BAHCC1: variants seen among roughly 807,000 people sequenced by gnomAD.
BAHCC1 encodes BAH domain and coiled-coil containing 1.
In BAHCC1, 43 loss-of-function variants were observed where a neutral mutation model predicts 88.2. That is an observed-to-expected ratio of 0.49 (90% confidence interval 0.38 to 0.63). BAHCC1 has a LOEUF of 0.63. Ranked by LOEUF, BAHCC1 falls within the 20% of genes least tolerant of loss-of-function variation. The probability of loss-of-function intolerance (pLI) is 0.00; values close to 1 mark genes in which losing one functional copy is unlikely to be tolerated. For synonymous variants in BAHCC1, 1,510 were observed against 745.5 expected (o/e 2.03, Z -16.71); for missense variants, 3,023 against 1,654.8 (o/e 1.83, Z -14.34).
chr17:81,451,985 G>A lies in BAHCC1; in HGVS notation c.4194G>A (p.Lys1398=). Residue 1398 remains lysine (K), a synonymous_variant, in exon 13 of 28, where the codon AAG becomes AAA. Transcript: ENST00000675386. ...TPKTKPVCPL[K]AAIDRLDTQE... ...CCCCCCACCAGGTGTGCCCCCTGAA[G>A]GCCGCCATCGACCGGCTGGACACGC... The A allele has an allele frequency of 1.6e-6, 1 of 627,294 alleles. No individual in the cohort carries two copies. The highest frequency in any genetic ancestry group is 2.8e-5 in the East Asian group (1 of 35,894). 38.9% of individuals were successfully genotyped at this position (627,294 alleles called of 1,614,324 possible). A position where few individuals can be genotyped will look rare whatever the true frequency, so the allele number is the denominator to read the frequency against.
At position 81,399,749 on chromosome 17, in the gene BAHCC1, C is replaced by G; in HGVS notation, c.10C>G (p.Arg4Gly). ...GGGGCCGGGGCCCGGCATGGATGGCCGCGACTTTGCGCCGCCGCCGCATCT... is the reference window on the plus strand; with the variant it reads ...GGGGCCGGGGCCCGGCATGGATGGCGGCGACTTTGCGCCGCCGCCGCATCT... MDGRDFAPPPHLLS... is the reference protein window; with the variant it reads MDGGDFAPPPHLLS... The change falls in exon 2 of 28, where the codon CGC becomes GGC. Residue 4 changes from arginine (R) to glycine (G), a missense_variant. Transcript: ENST00000675386. This position sits in a 1 kb window ranked among gnomAD's most constrained non-coding sequence, Gnocchi z 4.5. The G allele has an allele frequency of 1.7e-6, 2 of 1,165,564 alleles. No homozygotes were observed. The highest frequency in any genetic ancestry group is 2.1e-6 in the Non-Finnish European group (2 of 946,822). The allele number at this position is 1,165,564 out of a possible 1,614,324, so 72.2% of individuals were successfully genotyped here. A position where few individuals can be genotyped will look rare whatever the true frequency, so the allele number is the denominator to read the frequency against.
intron 2 of BAHCC1, chr17:81,415,741 C>T: frequency 3.1e-6 from 1 of 320,708 alleles, no homozygotes; most frequent in Admixed American, 4.6e-5. Context: ...GTGGTGATCA[C>T]AGCGTGCGAA....
intron 2 of BAHCC1, among the ~76,000 whole-genome samples, chr17:81,415,338 C>G (rs1359730271): frequency 2.0e-5 from 3 of 152,232 alleles, no homozygotes; most frequent in Non-Finnish European, 4.4e-5. Context: ...CAAGGGGGAC[C>G]TTCGTTGTGA....
chr17:81,452,749 C>T lies in BAHCC1; in HGVS notation c.4343C>T (p.Ala1448Val), dbSNP rs1555656163. The T allele has an allele frequency of 2.7e-6, 2 of 752,100 alleles. No individual in the cohort carries two copies. Among genetic ancestry groups the T allele is most frequent in the Admixed American group, 1.8e-5 (1 of 54,368 alleles). 46.6% of individuals were successfully genotyped at this position (752,100 alleles called of 1,614,324 possible). The change falls in exon 14 of 28, where the codon GCA (alanine) becomes GTA (valine). Residue 1448 changes from alanine (A) to valine (V), a missense_variant. By Grantham distance (64) the Ala-to-Val change is moderately conservative (BLOSUM62 0). Transcript: ENST00000675386. The part of the protein sequence containing the change: ...HERDESSRSP[A>V]RRGPGRPRKR... ...AGAGACGAGAGTTCACGGAGCCCTG[C>T]ACGGCGGGGGCCTGGCCGGCCGAGG...
At chr17:81,459,220 C>T (rs1471507371) in intron 21 of BAHCC1, 33 bp from the exon 22 acceptor site, 2 of 775,264 alleles carry the variant, frequency 2.6e-6, no homozygotes, top group Non-Finnish European at 2.4e-6. Context: ...GCAACCGAGA[C>T]CCGTGGCACC....
chr17:81,445,667 TCAC>T lies in BAHCC1; in HGVS notation c.3150_3152del (p.Thr1051del). The T allele has an allele frequency of 1.4e-6, 1 of 729,974 alleles. No homozygotes were observed. The highest frequency in any genetic ancestry group is 1.7e-5 in the African/African-American group (1 of 57,770). The allele number at this position is 729,974 out of a possible 1,614,324, so 45.2% of individuals were successfully genotyped here. On this transcript the variant is annotated inframe_deletion, in exon 10 of 28. Coordinates refer to ENST00000675386, the MANE Select transcript of BAHCC1 (RefSeq NM_001377448.1). ...GGTCAGCAGTCCACGGCCGACATCA[TCAC>T]ATCCGAACCAGGTGAGAGTAGCCGC...
At chr17:81,401,626 C>T (rs1467966766) in intron 2 of BAHCC1, 2 of 152,416 alleles carry the variant, frequency 1.3e-5, no homozygotes, top group Non-Finnish European at 2.9e-5. Flanking sequence ...CCTCTTCTGG[C>T]TGAAGGCTGG....
intron 4 of BAHCC1, 26 bp downstream of exon 4, chr17:81,438,518 G>T (rs782509012): frequency 1.3e-6 from 1 of 755,518 alleles, no homozygotes; most frequent in Non-Finnish European, 2.5e-6. Flanking sequence ...GACCGGCGTG[G>T]GGAGCAGGCA....
At chr17:81,410,893 C>T (rs1187361532) in intron 2 of BAHCC1, among the ~76,000 whole-genome samples, 4 of 152,022 alleles carry the variant, frequency 2.6e-5, no homozygotes, top group African/African-American at 7.2e-5. Flanking sequence ...TATGCTTCCC[C>T]GGAGTCCAGG....
At chr17:81,398,751 A>C (rs1237221801) in intron 1 of BAHCC1, among the ~76,000 whole-genome samples, 1 of 146,690 alleles carries the variant, frequency 6.8e-6, no homozygotes, top group African/African-American at 2.5e-5. Context: ...GTGGCGGCCC[A>C]GGTGATGCCG....
chr17:81,449,814 C>A (rs1315000228), intron 11 of BAHCC1, among the ~76,000 whole-genome samples: 7 of 152,286 alleles, frequency 4.6e-5, no homozygotes, highest in Admixed American at 3.3e-4. Context: ...CCGAGCACCT[C>A]CTGGCTTCTT....
chr17:81,457,043 G>A (rs1555657496), intron 16 of BAHCC1, among the ~76,000 whole-genome samples: 1 of 152,138 alleles, frequency 6.6e-6, no homozygotes, highest in African/African-American at 2.4e-5. Flanking sequence ...TCAGATGCCT[G>A]AGAAAGAACA....
chr17:81,429,663 G>A (rs900328425), intron 3 of BAHCC1, among the ~76,000 whole-genome samples: 2 of 152,206 alleles, frequency 1.3e-5, no homozygotes, highest in African/African-American at 4.8e-5. Flanking sequence ...CAGGCACAGC[G>A]GGCTGCCTGG....
chr17:81,459,985 G>A (rs2030101130), intron 23 of BAHCC1, among the ~76,000 whole-genome samples: 1 of 152,164 alleles, frequency 6.6e-6, no homozygotes, highest in African/African-American at 2.4e-5. Flanking sequence ...GTGGGCGGGA[G>A]GCGCCTCCAG....
intron 15 of BAHCC1, 73 bp from the exon 16 acceptor site, chr17:81,456,224 G>A (rs2143621735): frequency 3.0e-6 from 2 of 669,644 alleles, no homozygotes; most frequent in Non-Finnish European, 2.7e-6. Context: ...TCAACAGAGA[G>A]GCACCTAACC....
rs1555659083 is a variant in BAHCC1 at position 81,461,017 on chromosome 17, G to T, written c.6354G>T (p.Val2118=). ...CAGCGGCCAGCAAGGGGCCGGGGGTGCTGCAGAACCTCTTCCAGCTCAACG... is the reference window on the plus strand; with the variant it reads ...CAGCGGCCAGCAAGGGGCCGGGGGTTCTGCAGAACCTCTTCCAGCTCAACG... The part of the protein sequence containing the change: ...AVAAASKGPG[V]LQNLFQLNGS... Residue 2118 remains valine, a synonymous_variant, in exon 26 of 28, where the codon GTG becomes GTT. Coordinates refer to ENST00000675386, the MANE Select transcript of BAHCC1 (RefSeq NM_001377448.1). 2.6e-6 allele frequency: 2 copies of T among 773,238 alleles called. No homozygotes were observed. The highest frequency in any genetic ancestry group is 4.8e-6 in the Non-Finnish European group (2 of 417,058). 47.9% of individuals were successfully genotyped at this position (773,238 alleles called of 1,614,324 possible).
Position 81,455,407 on chromosome 17 carries a change from C to T in BAHCC1, c.4569+17C>T. On this transcript the variant is annotated intron_variant, in intron 15 of 27. Transcript: ENST00000675386. ...GCCTCCGTGGTGAGTGCCGAGGCGC[C>T]CGCCTTGCCCCAGGGCCCTTCAGGT... 1.4e-6 allele frequency: 1 copy of T among 714,294 alleles called. No homozygotes were observed. The allele number at this position is 714,294 out of a possible 1,614,324, so 44.2% of individuals were successfully genotyped here.
intron 21 of BAHCC1, 36 bp from the exon 22 acceptor site, chr17:81,459,217 A>C: frequency 1.3e-6 from 1 of 775,070 alleles, no homozygotes; most frequent in Non-Finnish European, 2.4e-6. Flanking sequence ...AGGGCAACCG[A>C]GACCCGTGGC....
At chr17:81,452,576 G>C in intron 13 of BAHCC1, 147 bp from the exon 14 acceptor site, 1 of 542,028 alleles carries the variant, frequency 1.8e-6, no homozygotes, top group African/African-American at 2.0e-5. Context: ...CTTGCCCTCT[G>C]CGTGAGGGGT....
Sources: allele counts gnomAD v4.1 joint callset (sites outside exome capture counted in the v4.1 genomes callset), GRCh38; gene constraint gnomAD v4.1.1; non-coding constraint Gnocchi (gnomAD v3.1); transcripts MANE v1.5; gene names NCBI Gene and HGNC (gene_info 2026-07-23, HGNC 2026-07-21).